The following RIMS2 variants were observed in gnomAD, a reference collection of about 807,000 sequenced individuals.
RIMS2 encodes regulating synaptic membrane exocytosis protein 2.
In RIMS2, 59 loss-of-function variants were observed where a neutral mutation model predicts 174.4. That is an observed-to-expected ratio of 0.34 (90% CI 0.27 to 0.42). The LOEUF is 0.42. Ranked by LOEUF, RIMS2 falls within the 10% of genes least tolerant of loss-of-function variation. The pLI, the probability that RIMS2 is intolerant of heterozygous loss-of-function variation, is 1.00. For missense variants in RIMS2, 1,620 were observed against 1,666.3 expected, an observed-to-expected ratio of 0.97 and a Z score of 0.48; for synonymous variants, 606 against 572.5, an observed-to-expected ratio of 1.06 and a Z score of -0.84.
intron 1 of RIMS2, among the ~76,000 whole-genome samples, chr8:103,572,567 T>G (rs547564562): frequency 1.5e-4 from 19 of 128,140 alleles, no homozygotes; most frequent in Admixed American, 9.9e-4. Context: ...AATCTGTTTG[T>G]TTTTTTTTTC....
chr8:103,549,187 A>G (rs1329160721), intron 1 of RIMS2, among the ~76,000 whole-genome samples: 1 of 152,182 alleles, frequency 6.6e-6, no homozygotes, highest in African/African-American at 2.4e-5. Flanking sequence ...CCAAAGTTGA[A>G]CTGAAGGAAA....
intron 3 of RIMS2, among the ~76,000 whole-genome samples, chr8:103,792,965 A>G (rs932021451): frequency 1.3e-5 from 2 of 152,216 alleles, no homozygotes; most frequent in Non-Finnish European, 2.9e-5. Context: ...AAAAAAGTCC[A>G]GGACCAGATG....
intron 2 of RIMS2, among the ~76,000 whole-genome samples, chr8:103,714,400 C>A (rs2097344475): frequency 6.6e-6 from 1 of 152,030 alleles, no homozygotes; most frequent in Admixed American, 6.6e-5. Flanking sequence ...GAAGACCAGC[C>A]TTGAGAGAGA....
intron 19 of RIMS2, among the ~76,000 whole-genome samples, chr8:104,104,882 G>GAAAA (rs199647482): frequency 1.7e-5 from 2 of 116,532 alleles, no homozygotes; most frequent in Non-Finnish European, 1.9e-5. Context: ...CCTGTCTCAA[G>GAAAA]AAAAAAAAAA....
intron 4 of RIMS2, among the ~76,000 whole-genome samples, chr8:103,904,259 G>A (rs568759856): frequency 1.4e-4 from 22 of 152,092 alleles, no homozygotes; most frequent in African/African-American, 5.1e-4. Context: ...TCCATGTTGT[G>A]TGTATAGTTT....
chr8:103,954,447 C>T (rs1285944308), intron 14 of RIMS2, among the ~76,000 whole-genome samples: 2 of 143,660 alleles, frequency 1.4e-5, no homozygotes, highest in Admixed American at 7.0e-5. Context: ...GATTAAGAAA[C>T]TCACTCAAAA....
intron 1 of RIMS2, among the ~76,000 whole-genome samples, chr8:103,601,987 A>C (rs753734176): frequency 6.6e-6 from 1 of 151,722 alleles, no homozygotes; most frequent in Non-Finnish European, 1.5e-5. Context: ...TTATTTATTT[A>C]TTTTTTTGAG....
intron 1 of RIMS2, among the ~76,000 whole-genome samples, chr8:103,507,355 A>G (rs2130956337): frequency 6.6e-6 from 1 of 152,272 alleles, no homozygotes; most frequent in Admixed American, 6.5e-5. Flanking sequence ...CCACTCTGCT[A>G]GATTATCAAC....
rs574191728 is a variant in RIMS2, at chr8:103,893,437, T to C, written c.1624+7214T>C. Reference sequence around the variant, plus strand: ...ACTTCTTATTTAAGCCTCAACCTTTTGGGTATACAATGTACTTTTACTGCA... The same window carrying C: ...ACTTCTTATTTAAGCCTCAACCTTTCGGGTATACAATGTACTTTTACTGCA... On this transcript the variant is annotated intron_variant, in intron 4 of 23. Coordinates refer to ENST00000504942, the Ensembl canonical transcript of RIMS2. Among the ~76,000 whole-genome samples, 397 of 152,246 alleles carry C rather than the reference T, an allele frequency of 2.6e-3. 2 individuals are homozygous for C. The highest frequency in any genetic ancestry group is 4.3e-3 in the South Asian group (21 of 4,828).
intron 19 of RIMS2, among the ~76,000 whole-genome samples, chr8:104,078,522 C>A (rs1181469930): frequency 6.6e-6 from 1 of 152,134 alleles, no homozygotes; most frequent in East Asian, 1.9e-4. Flanking sequence ...TTAGGAACTA[C>A]CTATGTGACC....
intron 19 of RIMS2, among the ~76,000 whole-genome samples, chr8:104,167,525 G>GT (rs942377153): frequency 9.9e-5 from 15 of 151,758 alleles, no homozygotes; most frequent in African/African-American, 2.9e-4. Context: ...TGGATTATTT[G>GT]TTTTTTTCTT....
At chr8:103,693,922 A>G (rs1257978001) in intron 1 of RIMS2, among the ~76,000 whole-genome samples, 3 of 152,056 alleles carry the variant, frequency 2.0e-5, no homozygotes, top group African/African-American at 4.8e-5. Flanking sequence ...AGGTGTTGGT[A>G]TGGTGTTAGT....
intron 19 of RIMS2, among the ~76,000 whole-genome samples, chr8:104,048,856 CGA>C (rs1337296906): frequency 6.6e-6 from 1 of 151,774 alleles, no homozygotes; most frequent in African/African-American, 2.4e-5. Flanking sequence ...CAAATTATGC[CGA>C]GGTTATTTTT....
At chr8:103,637,967 CGTTCCTCAGTTT>C (rs1195470369) in intron 1 of RIMS2, among the ~76,000 whole-genome samples, 2 of 152,028 alleles carry the variant, frequency 1.3e-5, no homozygotes, top group Non-Finnish European at 2.9e-5. Context: ...TTTTTGTAGA[CGTTCCTCAGTTT>C]GGGTTTGTTT....
intron 2 of RIMS2, among the ~76,000 whole-genome samples, chr8:103,753,800 C>G (rs1216645823): frequency 6.6e-6 from 1 of 152,044 alleles, no homozygotes; most frequent in Non-Finnish European, 1.5e-5. Flanking sequence ...TTTATTGCGT[C>G]TATTTGATTC....
At chr8:103,950,084 T>G (rs2084950690) in intron 14 of RIMS2, among the ~76,000 whole-genome samples, 1 of 152,034 alleles carries the variant, frequency 6.6e-6, no homozygotes, top group Non-Finnish European at 1.5e-5. Flanking sequence ...AAGAAAGAAA[T>G]AACTTGAGTA....
intron 15 of RIMS2, among the ~76,000 whole-genome samples, chr8:103,974,324 T>A (rs1037263952): frequency 7.2e-5 from 11 of 152,208 alleles, no homozygotes; most frequent in Non-Finnish European, 1.2e-4. Context: ...AACACTTTTT[T>A]AAAGTGCATA....
chr8:104,062,375 G>A (rs1025214545), intron 19 of RIMS2, among the ~76,000 whole-genome samples: 4 of 152,076 alleles, frequency 2.6e-5, no homozygotes, highest in Non-Finnish European at 5.9e-5. Context: ...CTTCACTCCA[G>A]CCAGCCTGGC....
intron 1 of RIMS2, among the ~76,000 whole-genome samples, chr8:103,549,133 C>T (rs1177291608): frequency 6.6e-6 from 1 of 152,060 alleles, no homozygotes; most frequent in Non-Finnish European, 1.5e-5. Context: ...CACCAAGATA[C>T]TCCTCGAGAA....
Sources: gnomAD v4.1 joint callset for allele counts (sites outside exome capture counted in the v4.1 genomes callset) on GRCh38, gnomAD v4.1.1 for gene constraint, MANE v1.5 for transcripts, NCBI Gene and HGNC (gene_info 2026-07-23, HGNC 2026-07-21) for gene names.